AP3B1: variants seen among roughly 807,000 people sequenced by gnomAD.
AP3B1 encodes the protein AP-3 complex subunit beta-1.
In AP3B1, 61 loss-of-function variants were observed where a neutral mutation model predicts 132.5. The ratio of observed to expected loss-of-function variants is 0.46; its 90% CI spans 0.37 to 0.57. The LOEUF (loss-of-function observed/expected upper bound fraction) is 0.57, where lower values mean the gene tolerates loss of function less well. Among genes scored for constraint, AP3B1 ranks in the 20% least tolerant of loss-of-function variants. AP3B1 has a pLI of 0.00. For synonymous variants in AP3B1, 388 were observed against 438.3 expected (o/e 0.89, Z 1.43); for missense variants, 1,120 against 1,289.4 (o/e 0.87, Z 2.01).
At chr5:78,231,113 C>G (rs1479798369) in intron 3 of AP3B1, among the ~76,000 whole-genome samples, 1 of 151,708 alleles carries the variant, frequency 6.6e-6, no homozygotes, top group Non-Finnish European at 1.5e-5. Context: ...AAGCAAGACA[C>G]CATCTGAAAA....
intron 7 of AP3B1, among the ~76,000 whole-genome samples, chr5:78,207,157 C>T (rs1259623115): frequency 1.3e-5 from 2 of 150,972 alleles, no homozygotes; most frequent in African/African-American, 4.9e-5. Context: ...ACTTGGGAGG[C>T]TGAGGCAGGA....
intron 2 of AP3B1, among the ~76,000 whole-genome samples, chr5:78,258,532 G>C (rs1052920010): frequency 6.6e-6 from 1 of 152,114 alleles, no homozygotes; most frequent in Admixed American, 6.5e-5. Context: ...AAGAAAGACA[G>C]GCAACAACAA....
At position 78,248,422 on chromosome 5, in the gene AP3B1, G is replaced by A. The variant is rs908740247; in HGVS notation, c.205-7486C>T. ...GCAGAAGAATCACTTGAACCCAGGAGGCAGAGGTTGCAGTGAGCCGAGATC... is the reference window on the plus strand; with the variant it reads ...GCAGAAGAATCACTTGAACCCAGGAAGCAGAGGTTGCAGTGAGCCGAGATC... On this transcript the variant is annotated intron_variant, in intron 2 of 26. Coordinates refer to ENST00000255194, the MANE Select transcript of AP3B1 (RefSeq NM_003664.5). 2.1e-5 allele frequency among the ~76,000 whole-genome samples: 3 copies of A among 143,294 alleles called. No individual in the cohort carries two copies. The Admixed American group carries it at 2.2e-4, about 10-fold the overall frequency. 94.0% of individuals were successfully genotyped at this position (143,294 alleles called of 152,430 possible). A position where few individuals can be genotyped will look rare whatever the true frequency, so the allele number is the denominator to read the frequency against.
At chr5:78,220,427 A>G (rs1031598854) in intron 6 of AP3B1, among the ~76,000 whole-genome samples, 4 of 152,018 alleles carry the variant, frequency 2.6e-5, no homozygotes, top group African/African-American at 9.7e-5. Flanking sequence ...TAAATTCCAG[A>G]TAACTATTTT....
At chr5:78,177,748 A>T (rs1210542255) in intron 8 of AP3B1, among the ~76,000 whole-genome samples, 1 of 152,178 alleles carries the variant, frequency 6.6e-6, no homozygotes, top group Non-Finnish European at 1.5e-5. Context: ...AAGGACAAAA[A>T]GAGACACCGT....
intron 2 of AP3B1, among the ~76,000 whole-genome samples, chr5:78,266,754 G>C (rs1748338861): frequency 6.6e-6 from 1 of 152,096 alleles, no homozygotes; most frequent in African/African-American, 2.4e-5. Context: ...TGAAACAAAA[G>C]CAAAACTCCT....
At position 78,195,483 on chromosome 5, in the gene AP3B1, G is replaced by A. The variant is rs567702143; in HGVS notation, c.787-13821C>T. On this transcript the variant is annotated intron_variant, in intron 7 of 26. Coordinates refer to ENST00000255194, the MANE Select transcript of AP3B1 (RefSeq NM_003664.5). ...TTTCACAAAAGAGCCAAGACAATAC[G>A]ATGGAGAAAAGATAGTCGTTCAACA... Among the ~76,000 whole-genome samples the A allele has an allele frequency of 2.6e-5, 4 of 152,210 alleles. No individual in the cohort carries two copies. The South Asian group carries it at 6.2e-4, about 24-fold the overall frequency.
chr5:78,097,375 A>G, intron 21 of AP3B1, among the ~76,000 whole-genome samples: 1 of 112,820 alleles, frequency 8.9e-6, no homozygotes. Context: ...CCTGTCCGGG[A>G]GGGAGGTAGG....
rs151295181 is a variant in AP3B1 at position 78,038,871 on chromosome 5, T to C, written c.2809+172A>G. Among the ~76,000 whole-genome samples the C allele has an allele frequency of 5.9e-5, 9 of 152,312 alleles. No individual in the cohort carries two copies. In the East Asian group the frequency reaches 1.7e-3, roughly 29 times the overall value. ...AGAGCAAAGAAATGTATTTATCTTA[T>C]ATGATAAATTCAGTTTAACAAGAAA... On this transcript the variant is annotated intron_variant, in intron 23 of 26. Transcript: ENST00000255194.
At position 78,082,234 on chromosome 5, in the gene AP3B1, T is replaced by A. The variant is rs570390990; in HGVS notation, c.2577+7159A>T. ...AAGGCCTTGGAGCCTCTCTACCCTGTCAATCCCAATTTTGACTGAATCCTT... is the reference window on the plus strand; with the variant it reads ...AAGGCCTTGGAGCCTCTCTACCCTGACAATCCCAATTTTGACTGAATCCTT... On this transcript the variant is annotated intron_variant, in intron 22 of 26. Coordinates refer to ENST00000255194, the MANE Select transcript of AP3B1 (RefSeq NM_003664.5). Among the ~76,000 whole-genome samples the A allele has an allele frequency of 8.5e-5, 13 of 152,316 alleles. No individual in the cohort carries two copies. The South Asian group carries it at 1.7e-3, about 19-fold the overall frequency.
chr5:78,170,376 G>A (rs1034791815), intron 11 of AP3B1, among the ~76,000 whole-genome samples: 1 of 152,192 alleles, frequency 6.6e-6, no homozygotes, highest in African/African-American at 2.4e-5. Flanking sequence ...CCCACCAACA[G>A]TGTAAAAGTG....
At chr5:78,188,776 G>C (rs771626014) in intron 7 of AP3B1, among the ~76,000 whole-genome samples, 7 of 151,974 alleles carry the variant, frequency 4.6e-5, no homozygotes, top group Non-Finnish European at 1.0e-4. Context: ...ATATATGCAC[G>C]CAAATGTTCA....
intron 11 of AP3B1, among the ~76,000 whole-genome samples, 164 bp downstream of exon 11, chr5:78,175,462 T>G (rs1469874580): frequency 6.6e-6 from 1 of 152,190 alleles, no homozygotes; most frequent in Non-Finnish European, 1.5e-5. Context: ...TGTAGTACAG[T>G]AATTAGTATA....
intron 1 of AP3B1, among the ~76,000 whole-genome samples, chr5:78,283,646 T>C (rs1243757389): frequency 6.6e-6 from 1 of 152,162 alleles, no homozygotes; most frequent in African/African-American, 2.4e-5. Flanking sequence ...CTTATCTATC[T>C]ATCTAACTGC....
chr5:78,136,022 A>G (rs1480234164), intron 15 of AP3B1, among the ~76,000 whole-genome samples: 2 of 152,084 alleles, frequency 1.3e-5, no homozygotes, highest in Admixed American at 1.3e-4. Flanking sequence ...CAGACTGAAA[A>G]AAAAGAGGGG....
chr5:78,261,285 T>G (rs973924578), intron 2 of AP3B1, among the ~76,000 whole-genome samples: 3 of 152,226 alleles, frequency 2.0e-5, no homozygotes, highest in Non-Finnish European at 4.4e-5. Flanking sequence ...TTTGTTTTCT[T>G]GATAATAACC....
chr5:78,045,029 G>A (rs1050130304), intron 22 of AP3B1, among the ~76,000 whole-genome samples: 2 of 152,070 alleles, frequency 1.3e-5, no homozygotes, highest in Non-Finnish European at 2.9e-5. Flanking sequence ...CAATAAACAG[G>A]ATCATAAATG....
chr5:78,124,742 A>G (rs761472883), intron 17 of AP3B1, among the ~76,000 whole-genome samples: 1 of 152,206 alleles, frequency 6.6e-6, no homozygotes, highest in East Asian at 1.9e-4. Context: ...CAAAGATAGT[A>G]TTCTATAAAC....
intron 26 of AP3B1, among the ~76,000 whole-genome samples, chr5:78,005,683 C>T (rs959371355): frequency 2.0e-5 from 3 of 152,130 alleles, no homozygotes; most frequent in African/African-American, 4.8e-5. Context: ...TGTTTTAAAG[C>T]GGAAGACTAG....
Sources: allele counts gnomAD v4.1 joint callset (sites outside exome capture counted in the v4.1 genomes callset), GRCh38; gene constraint gnomAD v4.1.1; transcripts MANE v1.5; gene names NCBI Gene and HGNC (gene_info 2026-07-23, HGNC 2026-07-21).